UGT1A10: variants seen among roughly 807,000 people sequenced by gnomAD.
UGT1A10 encodes the protein UDP-glucuronosyltransferase 1A10.
A neutral mutation model predicts 45.8 loss-of-function variants in UGT1A10; 49 were observed. The observed-to-expected ratio is 1.07, with a 90% CI of 0.85 to 1.36. UGT1A10 has a LOEUF of 1.36. UGT1A10 is among the 40% of genes most tolerant of loss of function. The pLI, the probability that UGT1A10 is intolerant of heterozygous loss-of-function variation, is 0.00. For missense variants in UGT1A10, 745 were observed against 668.6 expected (o/e 1.11, Z -1.26); for synonymous variants, 284 against 249.7 (o/e 1.14, Z -1.29).
intron 1 of UGT1A10, among the ~76,000 whole-genome samples, chr2:233,757,551 T>TATATATATATATATATACATATAC (rs1696621999): frequency 1.3e-5 from 1 of 78,674 alleles, no homozygotes; most frequent in Non-Finnish European, 2.5e-5. Flanking sequence ...TATATATATA[T>TATATATATATATATATACATATAC]ATATATATAT....
At chr2:233,646,741 C>T (rs1331924229) in intron 1 of UGT1A10, among the ~76,000 whole-genome samples, 1 of 152,212 alleles carries the variant, frequency 6.6e-6, no homozygotes, top group East Asian at 1.9e-4. Flanking sequence ...TTGGGCAAAG[C>T]TATTCAACAA....
chr2:233,636,710 G>T lies in UGT1A10; in HGVS notation c.188G>T (p.Ser63Ile), dbSNP rs2073300559. 2 of 1,614,150 alleles carry T rather than the reference G, an allele frequency of 1.2e-6. No homozygotes were observed. The highest frequency in any genetic ancestry group is 2.7e-5 in the African/African-American group (2 of 75,032). Reference protein sequence around the residue: ...HEVVVVMPEVSWQLERSLNCT... With the variant: ...HEVVVVMPEVIWQLERSLNCT... ...GTGGTTGTAGTCATGCCAGAGGTGAGTTGGCAACTGGAAAGATCACTGAAT... is the reference window on the plus strand; with the variant it reads ...GTGGTTGTAGTCATGCCAGAGGTGATTTGGCAACTGGAAAGATCACTGAAT... Residue 63 changes from serine (S) to isoleucine (I), a missense_variant, in exon 1 of 5, where the codon AGT (serine) becomes ATT (isoleucine). By Grantham distance (142) the Ser-to-Ile change is moderately radical (BLOSUM62 -2). Transcript: ENST00000344644.
intron 1 of UGT1A10, among the ~76,000 whole-genome samples, chr2:233,643,575 C>G (rs72984472): frequency 2.3e-4 from 35 of 152,178 alleles, no homozygotes; most frequent in Admixed American, 3.9e-4. Flanking sequence ...AGTTATAAGG[C>G]AAAGTCCCCT....
chr2:233,645,711 A>G (rs1426232289), intron 1 of UGT1A10, among the ~76,000 whole-genome samples: 1 of 152,196 alleles, frequency 6.6e-6, no homozygotes, highest in African/African-American at 2.4e-5. Flanking sequence ...GTGAGTTCCC[A>G]TGGTCTTAGG....
chr2:233,729,730 T>G (rs1164529541), intron 1 of UGT1A10: 2 of 1,613,840 alleles, frequency 1.2e-6, no homozygotes, highest in Non-Finnish European at 1.7e-6. Flanking sequence ...AACAACCAAT[T>G]CAGACCACAT....
At chr2:233,693,873 G>C (rs2075185682) in intron 1 of UGT1A10, 3 of 1,614,124 alleles carry the variant, frequency 1.9e-6, no homozygotes, top group South Asian at 1.1e-5. Context: ...CAGGTTGGTG[G>C]GTTTATTTCT....
intron 1 of UGT1A10, chr2:233,740,811 C>T (rs1350970609): frequency 1.3e-5 from 2 of 151,872 alleles, no homozygotes; most frequent in Admixed American, 1.3e-4. Flanking sequence ...TAGCACTGTT[C>T]TGTTTTTGAG....
intron 1 of UGT1A10, among the ~76,000 whole-genome samples, chr2:233,702,779 G>C (rs558414235): frequency 6.6e-6 from 1 of 152,280 alleles, no homozygotes; most frequent in South Asian, 2.1e-4. Flanking sequence ...ATTTGCAGGT[G>C]TAAACGAACC....
At chr2:233,693,897 G>A (rs901787042) in intron 1 of UGT1A10, 3 of 1,613,646 alleles carry the variant, frequency 1.9e-6, no homozygotes, top group African/African-American at 2.7e-5. Flanking sequence ...GGACTGCCTT[G>A]TTTCTTCCAG....
chr2:233,698,796 G>A (rs896772598), intron 1 of UGT1A10, among the ~76,000 whole-genome samples: 75 of 152,280 alleles, frequency 4.9e-4, no homozygotes, highest in African/African-American at 1.7e-3. Context: ...GTAACCTCTG[G>A]GCTCCCAGCC....
chr2:233,638,893 C>A (rs187845862), intron 1 of UGT1A10, among the ~76,000 whole-genome samples: 1 of 152,192 alleles, frequency 6.6e-6, no homozygotes, highest in African/African-American at 2.4e-5. Context: ...CAAGACCAGG[C>A]GAGGAGATGC....
chr2:233,638,353 GT>G (rs973155082), intron 1 of UGT1A10, among the ~76,000 whole-genome samples: 1 of 151,904 alleles, frequency 6.6e-6, no homozygotes, highest in African/African-American at 2.4e-5. Flanking sequence ...TAAAATTTTG[GT>G]TTTTGCATAT....
At chr2:233,743,513 T>C (rs1354115874) in intron 1 of UGT1A10, 1 of 1,367,162 alleles carries the variant, frequency 7.3e-7, no homozygotes, top group South Asian at 1.1e-5. Flanking sequence ...GCAGACGCTC[T>C]GCTTCTGCTT....
chr2:233,682,442 G>T (rs1559339683), intron 1 of UGT1A10: 1 of 1,613,664 alleles, frequency 6.2e-7, no homozygotes, highest in East Asian at 2.2e-5. Context: ...TGTGGTCTTC[G>T]CCAGGGGAAT....
chr2:233,760,579 A>G (rs2125986282), intron 1 of UGT1A10: 1 of 1,614,220 alleles, frequency 6.2e-7, no homozygotes, highest in South Asian at 1.1e-5. Context: ...TCTCGGGCAT[A>G]ATGTTTTTGA....
intron 1 of UGT1A10, chr2:233,743,892 C>A (rs1369437404): frequency 1.5e-6 from 2 of 1,366,886 alleles, no homozygotes; most frequent in Non-Finnish European, 2.0e-6. Flanking sequence ...CGGGGCACGT[C>A]CAGCACCTCG....
intron 1 of UGT1A10, among the ~76,000 whole-genome samples, chr2:233,685,891 T>G (rs1232719530): frequency 6.6e-6 from 1 of 152,232 alleles, no homozygotes; most frequent in Non-Finnish European, 1.5e-5. Context: ...TTCTTTAATA[T>G]TATCTCATTT....
chr2:233,660,195 A>C (rs1396072008), intron 1 of UGT1A10, among the ~76,000 whole-genome samples: 2 of 152,230 alleles, frequency 1.3e-5, no homozygotes, highest in Non-Finnish European at 2.9e-5. Context: ...CAACAAGGAC[A>C]TCTTCCACAG....
At chr2:233,736,915 T>A (rs1289213443) in intron 1 of UGT1A10, among the ~76,000 whole-genome samples, 1 of 152,142 alleles carries the variant, frequency 6.6e-6, no homozygotes, top group African/African-American at 2.4e-5. Context: ...GGAAGCTTCA[T>A]ACCAGAGGCG....
Sources: allele counts gnomAD v4.1 joint callset (sites outside exome capture counted in the v4.1 genomes callset), GRCh38; gene constraint gnomAD v4.1.1; transcripts MANE v1.5; gene names NCBI Gene and HGNC (gene_info 2026-07-23, HGNC 2026-07-21).